ATP10B: variants seen among roughly 807,000 people sequenced by gnomAD.
The protein encoded by ATP10B is ATPase phospholipid transporting 10B (putative).
A neutral mutation model predicts 141.2 loss-of-function variants in ATP10B; 122 were observed. The ratio of observed to expected loss-of-function variants is 0.86; its 90% CI spans 0.75 to 1.00. The LOEUF is 1.00. Among genes scored for constraint, ATP10B ranks in the 50% least tolerant of loss-of-function variants. The pLI, the probability that ATP10B is intolerant of heterozygous loss-of-function variation, is 0.00. For missense variants in ATP10B, 1,876 were observed against 1,825.3 expected (o/e 1.03, Z -0.51); for synonymous variants, 685 against 692.0 (o/e 0.99, Z 0.16).
intron 8 of ATP10B, among the ~76,000 whole-genome samples, chr5:160,647,145 C>T (rs1319120339): frequency 6.6e-6 from 1 of 152,192 alleles, no homozygotes; most frequent in Admixed American, 6.5e-5. Context: ...GACACCCTAA[C>T]TTTCAAACAG....
At chr5:160,790,386 C>A (rs374970276) in intron 1 of ATP10B, among the ~76,000 whole-genome samples, 1 of 152,132 alleles carries the variant, frequency 6.6e-6, no homozygotes, top group Admixed American at 6.6e-5. Context: ...GAGAAACCCT[C>A]GTCTTAACCC....
chr5:160,569,321 A>G (rs1196480356), intron 25 of ATP10B, among the ~76,000 whole-genome samples, 175 bp downstream of exon 25: 2 of 152,216 alleles, frequency 1.3e-5, no homozygotes, highest in African/African-American at 4.8e-5. Context: ...ACCACAGTCC[A>G]TGTTATTTGC....
At chr5:160,571,930 C>T (rs993377912) in intron 24 of ATP10B, among the ~76,000 whole-genome samples, 3 of 152,122 alleles carry the variant, frequency 2.0e-5, no homozygotes, top group African/African-American at 7.2e-5. Flanking sequence ...ATTGGGTGTA[C>T]TTCTGAGTAT....
intron 2 of ATP10B, among the ~76,000 whole-genome samples, chr5:160,732,515 A>T (rs1387494985): frequency 6.6e-6 from 1 of 152,180 alleles, no homozygotes; most frequent in Non-Finnish European, 1.5e-5. Context: ...ATTCTTCTGC[A>T]TATGGATATG....
chr5:160,645,883 G>A lies in ATP10B; in HGVS notation c.762-1639C>T, dbSNP rs146015626. ...ATTATCATACCCACTTTACAGATAG[G>A]GAAACTGAGGCAAGTTCATAAAGCC... On this transcript the variant is annotated intron_variant, in intron 8 of 25. Transcript: ENST00000327245. Among the ~76,000 whole-genome samples the A allele has an allele frequency of 7.8e-3, 1,188 of 152,256 alleles. 20 individuals are homozygous for A. Among genetic ancestry groups the A allele is most frequent in the Admixed American group, 0.044 (670 of 15,286 alleles).
In ATP10B at chr5:160,644,179, A is replaced by G; in HGVS notation, c.827T>C (p.Ile276Thr). ...CESLLLRGCT[I>T]RNTEMAVGIV... ...GCCAACAGCCATCTCGGTGTTTCTG[A>G]TGGTGCAGCCTCGAAGCAGAAGACT... is the stretch of plus-strand genomic sequence containing the variant. The change falls in exon 9 of 26, where the codon ATC becomes ACC. Residue 276 changes from isoleucine (I) to threonine (T), a missense_variant. By Grantham distance (89) the Ile-to-Thr change is moderately conservative. Transcript: ENST00000327245. 5.0e-6 allele frequency: 8 copies of G among 1,613,924 alleles called. No individual in the cohort carries two copies. The highest frequency in any genetic ancestry group is 5.1e-6 in the Non-Finnish European group (6 of 1,179,908).
chr5:160,753,353 C>T lies in ATP10B; in HGVS notation c.-331+32206G>A, dbSNP rs529251067. On this transcript the variant is annotated intron_variant, in intron 2 of 25. Transcript: ENST00000327245. ...AATACCTTTTCTATAAGCACCCTTG[C>T]TGTTTACGTGGAAAATTGCATGCTT... Among the ~76,000 whole-genome samples the T allele has an allele frequency of 1.1e-4, 17 of 152,276 alleles. 1 individual carries two copies. In the South Asian group the frequency reaches 3.5e-3, roughly 32 times the overall value.
intron 12 of ATP10B, chr5:160,634,150 C>T (rs1759160546): frequency 1.3e-6 from 1 of 799,332 alleles, no homozygotes; most frequent in African/African-American, 1.7e-5. Flanking sequence ...AACTTCTAAC[C>T]TTTGTAAACA....
intron 11 of ATP10B, among the ~76,000 whole-genome samples, chr5:160,635,888 G>T (rs540158967): frequency 2.0e-5 from 3 of 152,222 alleles, no homozygotes; most frequent in East Asian, 1.9e-4. Flanking sequence ...ATCTGTTCTG[G>T]CAAAGGGACA....
At position 160,644,143 on chromosome 5, in the gene ATP10B, T is replaced by A. The variant is rs755812137; in HGVS notation, c.863A>T (p.Tyr288Phe). The part of the protein sequence containing the change: ...NTEMAVGIVI[Y>F]AGHETKAMLN... ...GAAACTACCCAGACAATGACCTGCA[T>A]AGATGACAATGCCAACAGCCATCTC... The change falls in exon 9 of 26, where the codon TAT becomes TTT. Residue 288 changes from tyrosine (Y) to phenylalanine (F), a missense_variant. Tyr to Phe is a conservative substitution (Grantham distance 22). Coordinates refer to ENST00000327245, the MANE Select transcript of ATP10B (RefSeq NM_025153.3). 3 of 1,613,294 alleles carry A rather than the reference T, an allele frequency of 1.9e-6. No homozygotes were observed. In the South Asian group the frequency reaches 3.3e-5, roughly 18 times the overall value.
chr5:160,785,193 T>G (rs1771046474), intron 2 of ATP10B, among the ~76,000 whole-genome samples: 1 of 152,154 alleles, frequency 6.6e-6, no homozygotes, highest in Non-Finnish European at 1.5e-5. Context: ...ACCTTGGGAC[T>G]TCTTATGAGG....
chr5:160,879,549 A>G, the ATP10B span, among the ~76,000 whole-genome samples: 1 of 151,486 alleles, frequency 6.6e-6, no homozygotes, highest in Non-Finnish European at 1.5e-5. Flanking sequence ...AAAAAAAAAA[A>G]AAAACCACGG....
intron 1 of ATP10B, among the ~76,000 whole-genome samples, chr5:160,851,538 C>A (rs926238937): frequency 3.9e-5 from 6 of 152,096 alleles, no homozygotes; most frequent in Admixed American, 2.0e-4. Context: ...ATTGGGAAGC[C>A]ATGTAATGAT....
chr5:160,621,506 C>T (rs1758349710), intron 14 of ATP10B, among the ~76,000 whole-genome samples: 1 of 152,220 alleles, frequency 6.6e-6, no homozygotes, highest in South Asian at 2.1e-4. Flanking sequence ...GGTACTTCTT[C>T]CCCTCTTAAA....
chr5:160,902,075 G>C, the ATP10B span, among the ~76,000 whole-genome samples: 1 of 152,054 alleles, frequency 6.6e-6, no homozygotes, highest in South Asian at 2.1e-4. Flanking sequence ...ATGGAGGAAA[G>C]GTATGAGGTC....
intron 1 of ATP10B, among the ~76,000 whole-genome samples, chr5:160,792,826 G>A (rs1771681966): frequency 6.6e-6 from 1 of 152,170 alleles, no homozygotes; most frequent in Non-Finnish European, 1.5e-5. Flanking sequence ...GTGGGTCGAA[G>A]TCTGGCTTCC....
intron 1 of ATP10B, among the ~76,000 whole-genome samples, chr5:160,786,902 GC>G (rs1771195971): frequency 6.6e-6 from 1 of 152,054 alleles, no homozygotes; most frequent in Admixed American, 6.6e-5. Flanking sequence ...TCAATGGACA[GC>G]CTCGGCCTCC....
At chr5:160,691,118 A>AG (rs1329312092) in intron 3 of ATP10B, among the ~76,000 whole-genome samples, 3 of 152,142 alleles carry the variant, frequency 2.0e-5, no homozygotes, top group African/African-American at 7.2e-5. Context: ...AGAAAACCAA[A>AG]CACCACATGT....
chr5:160,785,285 A>G (rs1384151636), intron 2 of ATP10B, among the ~76,000 whole-genome samples: 3 of 152,098 alleles, frequency 2.0e-5, no homozygotes, highest in Admixed American at 6.6e-5. Flanking sequence ...ATCTTAAGTG[A>G]TATATAATTT....
Sources: gnomAD v4.1 joint callset for allele counts (sites outside exome capture counted in the v4.1 genomes callset) on GRCh38, gnomAD v4.1.1 for gene constraint, MANE v1.5 for transcripts, NCBI Gene and HGNC (gene_info 2026-07-23, HGNC 2026-07-21) for gene names.